RPS6KC1: variants seen among roughly 807,000 people sequenced by gnomAD.
The protein encoded by RPS6KC1 is inactive ribosomal protein S6 kinase delta-1.
Under a neutral mutation model 103.8 loss-of-function variants are expected in RPS6KC1, and 54 were observed. That is an observed-to-expected ratio of 0.52 (90% CI 0.42 to 0.65). The LOEUF (loss-of-function observed/expected upper bound fraction) is 0.65, where lower values mean the gene tolerates loss of function less well. RPS6KC1 is among the 30% of genes least tolerant of loss of function. The pLI, the probability that RPS6KC1 is intolerant of heterozygous loss-of-function variation, is 0.00. For missense variants in RPS6KC1, 1,151 were observed against 1,253.8 expected (o/e 0.92, Z 1.24); for synonymous variants, 439 against 438.7 (o/e 1.00, Z -0.01).
the RPS6KC1 span, among the ~76,000 whole-genome samples, chr1:213,769,075 C>T: frequency 1.3e-5 from 2 of 152,138 alleles, no homozygotes; most frequent in African/African-American, 4.8e-5. Context: ...GGCAGCAATT[C>T]TTGACTTAGC....
At chr1:213,755,230 G>T in the RPS6KC1 span, among the ~76,000 whole-genome samples, 1 of 152,142 alleles carries the variant, frequency 6.6e-6, no homozygotes, top group African/African-American at 2.4e-5. Flanking sequence ...AGTAATCACG[G>T]TTTTTGTCAT....
intron 3 of RPS6KC1, among the ~76,000 whole-genome samples, chr1:213,086,259 TG>T (rs2080384542): frequency 6.6e-6 from 1 of 152,174 alleles, no homozygotes; most frequent in Non-Finnish European, 1.5e-5. Flanking sequence ...GGATGCCTAG[TG>T]GTACTCATCC....
intron 1 of RPS6KC1, among the ~76,000 whole-genome samples, chr1:213,067,516 T>G (rs1340428169): frequency 4.4e-4 from 67 of 152,298 alleles, no homozygotes; most frequent in Non-Finnish European, 1.9e-4. Context: ...TGACTGCTTT[T>G]GGGATGCCAC....
At chr1:213,761,166 C>T in the RPS6KC1 span, among the ~76,000 whole-genome samples, 1 of 151,856 alleles carries the variant, frequency 6.6e-6, no homozygotes, top group Non-Finnish European at 1.5e-5. Flanking sequence ...CCTGGCATCC[C>T]GTTTGTCTGT....
intron 8 of RPS6KC1, among the ~76,000 whole-genome samples, chr1:213,228,862 T>C: frequency 6.6e-6 from 1 of 152,192 alleles, no homozygotes; most frequent in East Asian, 1.9e-4. Context: ...ACAGGGTGGA[T>C]AAGAGAAGTG....
the RPS6KC1 span, among the ~76,000 whole-genome samples, chr1:213,776,470 T>G: frequency 1.3e-5 from 2 of 151,648 alleles, no homozygotes; most frequent in East Asian, 3.9e-4. Context: ...AGCAGTAATA[T>G]CTTGAAAGAA....
chr1:213,078,111 T>G (rs2079515087), intron 3 of RPS6KC1, among the ~76,000 whole-genome samples: 1 of 152,094 alleles, frequency 6.6e-6, no homozygotes, highest in Admixed American at 6.5e-5. Flanking sequence ...AGTTTTAAAA[T>G]TCTTTCTTTT....
chr1:213,854,148 C>T, the RPS6KC1 span, among the ~76,000 whole-genome samples: 2 of 152,202 alleles, frequency 1.3e-5, no homozygotes, highest in Non-Finnish European at 2.9e-5. Context: ...TCGGGGACAG[C>T]TCCCCTACCT....
At chr1:213,203,991 G>T (rs535222937) in intron 8 of RPS6KC1, among the ~76,000 whole-genome samples, 2 of 152,104 alleles carry the variant, frequency 1.3e-5, no homozygotes. Flanking sequence ...CTATTCTTCC[G>T]CCATTTTCCA....
In RPS6KC1 at chr1:213,104,476, C is replaced by T. The variant is rs56056039; in HGVS notation, c.285C>T (p.Ile95=). The T allele has an allele frequency of 1.4e-5, 22 of 1,610,350 alleles. No homozygotes were observed. Among genetic ancestry groups the T allele is most frequent in the African/African-American group, 1.1e-4 (8 of 74,864 alleles). ...TAGGGCGATTTGATGAAACTGTTAT[C>T]GAAGAGAGAAGACAATGTGCTGAAG... is the stretch of plus-strand genomic sequence containing the variant. ...IVFGRFDETV[I]EERRQCAEDL... The change falls in exon 4 of 15, where the codon ATC becomes ATT. Residue 95 remains isoleucine, a synonymous_variant. Coordinates refer to ENST00000366960, the MANE Select transcript of RPS6KC1 (RefSeq NM_012424.6).
chr1:213,078,289 T>G (rs2079537688), intron 3 of RPS6KC1, among the ~76,000 whole-genome samples: 1 of 151,680 alleles, frequency 6.6e-6, no homozygotes, highest in Admixed American at 6.6e-5. Context: ...GTATTTTATA[T>G]TAAAGTTTCT....
the RPS6KC1 span, among the ~76,000 whole-genome samples, chr1:213,774,599 G>A: frequency 6.6e-6 from 1 of 152,198 alleles, no homozygotes; most frequent in Non-Finnish European, 1.5e-5. Context: ...GAGAGTTCAT[G>A]TACATTGAAC....
the RPS6KC1 span, among the ~76,000 whole-genome samples, chr1:213,344,110 C>A: frequency 0.62 from 94,013 of 151,812 alleles, 29,467 homozygotes; most frequent in Non-Finnish European, 0.68. Flanking sequence ...CAGCATGTAA[C>A]CCATAAACTT....
chr1:213,634,074 T>C, the RPS6KC1 span, among the ~76,000 whole-genome samples: 1 of 151,930 alleles, frequency 6.6e-6, no homozygotes, highest in African/African-American at 2.4e-5. Flanking sequence ...TCCAGATTCA[T>C]AAAGCAAGTC....
At chr1:213,822,140 C>T in the RPS6KC1 span, 2 of 152,322 alleles carry the variant, frequency 1.3e-5, no homozygotes, top group South Asian at 4.1e-4. Flanking sequence ...CCCCTTTGTG[C>T]TCTCCTCTGA....
chr1:213,300,604 A>T, the RPS6KC1 span, among the ~76,000 whole-genome samples: 1 of 152,102 alleles, frequency 6.6e-6, no homozygotes, highest in East Asian at 1.9e-4. Context: ...GTGTGGGGGA[A>T]GTCTGTCTTT....
the RPS6KC1 span, among the ~76,000 whole-genome samples, chr1:213,503,425 G>A: frequency 6.6e-6 from 1 of 152,188 alleles, no homozygotes. Context: ...ATCATGTGGT[G>A]CCAAGCATGG....
At chr1:213,268,646 G>A (rs2094968241) in intron 14 of RPS6KC1, among the ~76,000 whole-genome samples, 1 of 149,036 alleles carries the variant, frequency 6.7e-6, no homozygotes, top group African/African-American at 2.4e-5. Flanking sequence ...ATAAAACCAT[G>A]CTATTGGGAT....
Position 213,169,929 on chromosome 1 carries a change from A to C in RPS6KC1, c.951+1956A>C, listed in dbSNP as rs373454578. 3.4e-4 allele frequency among the ~76,000 whole-genome samples: 51 copies of C among 151,976 alleles called. No individual in the cohort carries two copies. The East Asian group carries it at 8.3e-3, about 25-fold the overall frequency. ...CCCGAGTAGCTGGGACTACAGGCGC[A>C]TGCCACTATGCCTGGCTAATTTTTG... On this transcript the variant is annotated intron_variant, in intron 7 of 14. Transcript: ENST00000366960.
Sources: allele counts gnomAD v4.1 joint callset (sites outside exome capture counted in the v4.1 genomes callset), GRCh38; gene constraint gnomAD v4.1.1; transcripts MANE v1.5; gene names NCBI Gene and HGNC (gene_info 2026-07-23, HGNC 2026-07-21).